The following DLGAP1 variants were observed in gnomAD, a reference collection of about 807,000 sequenced individuals.
DLGAP1 encodes disks large-associated protein 1.
In DLGAP1, 11 loss-of-function variants were observed where a neutral mutation model predicts 90.8. That is an observed-to-expected ratio of 0.12 (90% CI 0.08 to 0.20). The LOEUF is 0.20. DLGAP1 is among the 10% of genes least tolerant of loss of function. The probability of loss-of-function intolerance (pLI) is 1.00; values close to 1 mark genes in which losing one functional copy is unlikely to be tolerated. For synonymous variants in DLGAP1, 558 were observed against 540.7 expected, an observed-to-expected ratio of 1.03 and a Z score of -0.44; for missense variants, 1,050 against 1,333.8, an observed-to-expected ratio of 0.79 and a Z score of 3.31.
At chr18:4,258,000 TGTGTGTGTGTGCGC>T (rs1568475540) in intron 1 of DLGAP1, among the ~76,000 whole-genome samples, 2 of 143,498 alleles carry the variant, frequency 1.4e-5, no homozygotes, top group African/African-American at 5.9e-5. Flanking sequence ...TGTGTGTGTG[TGTGTGTGTGTGCGC>T]GCGCGCGCGT....
intron 1 of DLGAP1, among the ~76,000 whole-genome samples, chr18:4,435,957 T>C (rs2083389994): frequency 6.6e-6 from 1 of 151,996 alleles, no homozygotes; most frequent in Admixed American, 6.6e-5. Context: ...TGTCACAAAT[T>C]AGACAAGTAG....
At chr18:4,236,218 G>T (rs2078412147) in intron 1 of DLGAP1, among the ~76,000 whole-genome samples, 2 of 152,242 alleles carry the variant, frequency 1.3e-5, no homozygotes, top group South Asian at 4.1e-4. Flanking sequence ...GTTTCAATCA[G>T]TAAGTACATG....
intron 4 of DLGAP1, among the ~76,000 whole-genome samples, chr18:3,864,411 T>G (rs1269178183): frequency 6.6e-6 from 1 of 152,220 alleles, no homozygotes; most frequent in Non-Finnish European, 1.5e-5. Flanking sequence ...TTATGCATGG[T>G]GATATGTTAT....
At chr18:4,169,599 T>C (rs969367988) in intron 1 of DLGAP1, among the ~76,000 whole-genome samples, 1 of 152,218 alleles carries the variant, frequency 6.6e-6, no homozygotes, top group African/African-American at 2.4e-5. Context: ...ATCTCAACCA[T>C]CATAGGAAAG....
At chr18:3,553,536 TTTTG>T (rs1181648114) in intron 9 of DLGAP1, among the ~76,000 whole-genome samples, 1 of 152,090 alleles carries the variant, frequency 6.6e-6, no homozygotes, top group Non-Finnish European at 1.5e-5. Context: ...TTTTTTTGTT[TTTTG>T]TTTGTTTGTT....
At chr18:4,045,456 A>AAAAAAAAAAAAAAAAAAAAAAAC in intron 2 of DLGAP1, among the ~76,000 whole-genome samples, 1 of 139,196 alleles carries the variant, frequency 7.2e-6, no homozygotes, top group African/African-American at 2.7e-5. Flanking sequence ...AAAAAAAAAA[A>AAAAAAAAAAAAAAAAAAAAAAAC]AAAAAAAAAG....
At chr18:4,214,938 T>A (rs1598636606) in intron 1 of DLGAP1, among the ~76,000 whole-genome samples, 1 of 152,108 alleles carries the variant, frequency 6.6e-6, no homozygotes, top group African/African-American at 2.4e-5. Flanking sequence ...TTCCCTCTGA[T>A]AAGAAAATGT....
intron 9 of DLGAP1, among the ~76,000 whole-genome samples, chr18:3,544,484 T>C: frequency 6.6e-6 from 1 of 152,190 alleles, no homozygotes; most frequent in Non-Finnish European, 1.5e-5. Context: ...ATTTTCCCTT[T>C]TGATTTTTTT....
intron 5 of DLGAP1, among the ~76,000 whole-genome samples, chr18:3,800,723 T>A (rs974866831): frequency 2.0e-5 from 3 of 152,150 alleles, no homozygotes; most frequent in African/African-American, 7.2e-5. Flanking sequence ...ATGAGTATTA[T>A]ATTTTGTAAT....
intron 1 of DLGAP1, among the ~76,000 whole-genome samples, chr18:4,425,545 C>T (rs1426924504): frequency 2.6e-5 from 4 of 152,266 alleles, no homozygotes; most frequent in South Asian, 2.1e-4. Context: ...GTCAGTTCCC[C>T]GGACAGGAAT....
At chr18:3,681,872 C>G (rs1005867646) in intron 7 of DLGAP1, among the ~76,000 whole-genome samples, 1 of 152,034 alleles carries the variant, frequency 6.6e-6, no homozygotes, top group Non-Finnish European at 1.5e-5. Context: ...GCTCCCAGCA[C>G]TTTGGGAGGC....
intron 1 of DLGAP1, among the ~76,000 whole-genome samples, chr18:4,300,386 C>A (rs1033260156): frequency 2.6e-5 from 4 of 152,108 alleles, no homozygotes; most frequent in African/African-American, 9.7e-5. Context: ...ACATGCAAGA[C>A]AAAATGTTGA....
chr18:3,508,862 A>C (rs1252594726), intron 10 of DLGAP1, among the ~76,000 whole-genome samples: 1 of 152,200 alleles, frequency 6.6e-6, no homozygotes, highest in Non-Finnish European at 1.5e-5. Flanking sequence ...GGTTAAAGTA[A>C]TAAAATCAAC....
At chr18:3,647,436 G>A (rs964037134) in intron 7 of DLGAP1, among the ~76,000 whole-genome samples, 1 of 150,496 alleles carries the variant, frequency 6.6e-6, no homozygotes, top group African/African-American at 2.4e-5. Context: ...CAGTTTACTA[G>A]GTACTTCAAC....
intron 1 of DLGAP1, among the ~76,000 whole-genome samples, chr18:4,269,352 A>T (rs55997103): frequency 0.11 from 14,234 of 130,782 alleles, 1,108 homozygotes; most frequent in African/African-American, 0.26. Context: ...ATATATATAT[A>T]TATTTTTTTT....
chr18:3,654,426 C>T (rs1407647220), intron 7 of DLGAP1, among the ~76,000 whole-genome samples: 1 of 152,208 alleles, frequency 6.6e-6, no homozygotes, highest in East Asian at 1.9e-4. Context: ...GCTCTCTTGA[C>T]TTTCTGACTT....
intron 9 of DLGAP1, among the ~76,000 whole-genome samples, chr18:3,561,959 T>G (rs1275551012): frequency 3.3e-5 from 5 of 150,814 alleles, no homozygotes; most frequent in African/African-American, 1.2e-4. Flanking sequence ...CCGGGCACTG[T>G]GGCTCACGTC....
chr18:3,677,960 GTT>G (rs71160908), intron 7 of DLGAP1, among the ~76,000 whole-genome samples: 13,230 of 81,276 alleles, frequency 0.16, 1,652 homozygotes, highest in African/African-American at 0.38. Context: ...TGCCCGGTGG[GTT>G]TTTTTTTTTT....
intron 8 of DLGAP1, among the ~76,000 whole-genome samples, chr18:3,576,262 CTTTT>C (rs1310824538): frequency 7.0e-6 from 1 of 142,852 alleles, no homozygotes; most frequent in African/African-American, 2.6e-5. Context: ...CCTCCAACTC[CTTTT>C]TTTTTTTTTT....
Sources: gnomAD v4.1 joint callset for allele counts (sites outside exome capture counted in the v4.1 genomes callset) on GRCh38, gnomAD v4.1.1 for gene constraint, MANE v1.5 for transcripts, NCBI Gene and HGNC (gene_info 2026-07-23, HGNC 2026-07-21) for gene names.